The following MAN1A1 variants were observed in gnomAD, a reference collection of about 807,000 sequenced individuals.
MAN1A1 encodes the protein mannosidase alpha class 1A member 1.
In MAN1A1, 29 loss-of-function variants were observed where a neutral mutation model predicts 70.8. The observed-to-expected ratio is 0.41, with a 90% CI of 0.31 to 0.56. MAN1A1 has a LOEUF of 0.56. Ranked by LOEUF, MAN1A1 falls within the 20% of genes least tolerant of loss-of-function variation. MAN1A1 has a pLI of 0.29. For missense variants in MAN1A1, 747 were observed against 841.3 expected (o/e 0.89, Z 1.39); for synonymous variants, 349 against 330.1 (o/e 1.06, Z -0.62).
At chr6:119,315,968 C>G (rs187637034) in intron 2 of MAN1A1, among the ~76,000 whole-genome samples, 1 of 152,084 alleles carries the variant, frequency 6.6e-6, no homozygotes, top group Non-Finnish European at 1.5e-5. Flanking sequence ...TTAATTAACA[C>G]GGAAACTTTG....
At chr6:119,286,189 A>G (rs774776446) in intron 5 of MAN1A1, among the ~76,000 whole-genome samples, 2 of 152,164 alleles carry the variant, frequency 1.3e-5, no homozygotes, top group Non-Finnish European at 2.9e-5. Context: ...TTTCTAATGA[A>G]TTGTGGCAGA....
At chr6:119,278,852 C>T (rs962838508) in intron 5 of MAN1A1, among the ~76,000 whole-genome samples, 3 of 152,144 alleles carry the variant, frequency 2.0e-5, no homozygotes, top group Non-Finnish European at 4.4e-5. Flanking sequence ...ATGTCACATG[C>T]CTGCTCCCCC....
intron 5 of MAN1A1, among the ~76,000 whole-genome samples, chr6:119,279,531 C>T (rs1003014779): frequency 6.6e-6 from 1 of 152,198 alleles, no homozygotes; most frequent in African/African-American, 2.4e-5. Flanking sequence ...GAACCTCTAC[C>T]ATGTTTCTGT....
intron 6 of MAN1A1, among the ~76,000 whole-genome samples, chr6:119,206,978 G>C (rs1490081325): frequency 6.6e-6 from 1 of 152,156 alleles, no homozygotes; most frequent in Admixed American, 6.5e-5. Context: ...GTTAAGTTTG[G>C]GGATTAGAGC....
intron 11 of MAN1A1, among the ~76,000 whole-genome samples, chr6:119,181,689 C>A (rs574620381): frequency 6.6e-6 from 1 of 152,212 alleles, no homozygotes; most frequent in African/African-American, 2.4e-5. Context: ...CCTTTCAGAG[C>A]CCACTTTCTT....
intron 11 of MAN1A1, among the ~76,000 whole-genome samples, chr6:119,187,864 G>C (rs1323172756): frequency 6.6e-6 from 1 of 152,204 alleles, no homozygotes; most frequent in East Asian, 1.9e-4. Flanking sequence ...AGAGGTGACA[G>C]ACAAAACAAC....
intron 6 of MAN1A1, among the ~76,000 whole-genome samples, chr6:119,205,599 G>C (rs950217221): frequency 6.6e-6 from 1 of 152,044 alleles, no homozygotes; most frequent in African/African-American, 2.4e-5. Context: ...TAAAAAACTA[G>C]GCCTTTTAAA....
At chr6:119,249,633 C>G (rs1045584474) in intron 5 of MAN1A1, among the ~76,000 whole-genome samples, 1 of 152,032 alleles carries the variant, frequency 6.6e-6, no homozygotes, top group East Asian at 1.9e-4. Flanking sequence ...CTAAAGCAAT[C>G]GACAAAGAAG....
intron 5 of MAN1A1, among the ~76,000 whole-genome samples, chr6:119,275,038 T>A (rs1484160411): frequency 1.3e-5 from 2 of 152,146 alleles, no homozygotes; most frequent in African/African-American, 4.8e-5. Flanking sequence ...GTGATTATGG[T>A]TTAGTTTTCA....
At chr6:119,289,124 A>G (rs1467742524) in intron 5 of MAN1A1, among the ~76,000 whole-genome samples, 1 of 151,852 alleles carries the variant, frequency 6.6e-6, no homozygotes, top group Admixed American at 6.6e-5. Context: ...ATATGTATGT[A>G]AACTTAAAAC....
intron 6 of MAN1A1, among the ~76,000 whole-genome samples, chr6:119,219,824 G>A (rs1774309380): frequency 6.6e-6 from 1 of 151,992 alleles, no homozygotes. Context: ...CATGTCATAC[G>A]TCTTCTAGAA....
rs3839397 is a variant in MAN1A1, at chr6:119,299,607, T to TGAAC, written c.816+2380_816+2381insGTTC. 5.9e-3 allele frequency among the ~76,000 whole-genome samples: 889 copies of TGAAC among 151,816 alleles called. 27 individuals are homozygous for TGAAC. In the East Asian group the frequency reaches 0.089, roughly 15 times the overall value. ...TTAAAAACTAAAATAAAAATTTAAA[T>TGAAC]AAAGAAAACTTCAAAGTTCAGTATC... is the stretch of plus-strand genomic sequence containing the variant. On this transcript the variant is annotated intron_variant, in intron 4 of 12. Coordinates refer to ENST00000368468, the MANE Select transcript of MAN1A1 (RefSeq NM_005907.4).
At position 119,349,184 on chromosome 6, in the gene MAN1A1, T is replaced by C. The variant is rs1215129071; in HGVS notation, c.-119A>G. ...AGCCAGGCCGCCCGACCCCCTCGGC[T>C]GGGCTGCGGATCCTCCCTGGGGGAA... On this transcript the variant is annotated 5_prime_UTR_variant, in exon 2 of 13. Coordinates refer to ENST00000368468, the MANE Select transcript of MAN1A1 (RefSeq NM_005907.4). 2 of 1,228,172 alleles carry C rather than the reference T, an allele frequency of 1.6e-6. No homozygotes were observed. Among genetic ancestry groups the C allele is most frequent in the Non-Finnish European group, 2.0e-6 (2 of 986,526 alleles). 76.1% of individuals were successfully genotyped at this position (1,228,172 alleles called of 1,614,324 possible).
intron 6 of MAN1A1, among the ~76,000 whole-genome samples, chr6:119,230,228 G>A (rs943312394): frequency 6.6e-6 from 1 of 152,114 alleles, no homozygotes; most frequent in African/African-American, 2.4e-5. Context: ...TAAAACGATC[G>A]CTCCTGATAG....
At chr6:119,193,724 T>G in intron 9 of MAN1A1, 53 bp downstream of exon 9, 2 of 1,245,258 alleles carry the variant, frequency 1.6e-6, no homozygotes, top group Middle Eastern at 1.9e-4. Flanking sequence ...TTGATTAATA[T>G]ACAAATTATA....
At chr6:119,264,550 T>A (rs1020018687) in intron 5 of MAN1A1, among the ~76,000 whole-genome samples, 1 of 152,224 alleles carries the variant, frequency 6.6e-6, no homozygotes, top group Non-Finnish European at 1.5e-5. Flanking sequence ...ACAAATGGCA[T>A]GCCATCACTG....
chr6:119,350,542 C>G (rs1773886072), upstream of MAN1A1: 4 of 985,268 alleles, frequency 4.1e-6, no homozygotes, highest in Non-Finnish European at 4.8e-6. Context: ...AGAAGTTGGT[C>G]AAATTTTCCA....
At chr6:119,303,080 G>A (rs1772437843) in intron 3 of MAN1A1, among the ~76,000 whole-genome samples, 1 of 152,076 alleles carries the variant, frequency 6.6e-6, no homozygotes, top group Admixed American at 6.6e-5. Flanking sequence ...GTACAGTGGT[G>A]CAATCATAGC....
At chr6:119,303,220 A>G (rs907978809) in intron 3 of MAN1A1, among the ~76,000 whole-genome samples, 1 of 152,002 alleles carries the variant, frequency 6.6e-6, no homozygotes, top group Non-Finnish European at 1.5e-5. Context: ...GAGTCTTGCT[A>G]TGTGGCTCAG....
Sources: allele counts gnomAD v4.1 joint callset (sites outside exome capture counted in the v4.1 genomes callset), GRCh38; gene constraint gnomAD v4.1.1; transcripts MANE v1.5; gene names NCBI Gene and HGNC (gene_info 2026-07-23, HGNC 2026-07-21).